Variants in LPP observed in about 807,000 individuals in gnomAD.
LPP encodes the protein LIM domain containing preferred translocation partner in lipoma.
A neutral mutation model predicts 60.4 loss-of-function variants in LPP; 38 were observed. That is an observed-to-expected ratio of 0.63 (90% CI 0.49 to 0.83). The LOEUF (loss-of-function observed/expected upper bound fraction) is 0.83. Ranked by LOEUF, LPP falls within the 40% of genes least tolerant of loss-of-function variation. LPP has a pLI of 0.00. For synonymous variants in LPP, 328 were observed against 290.8 expected (o/e 1.13, Z -1.30); for missense variants, 902 against 783.6 (o/e 1.15, Z -1.80).
chr3:188,511,258 T>G (rs372421381), intron 5 of LPP, among the ~76,000 whole-genome samples: 5 of 74,344 alleles, frequency 6.7e-5, no homozygotes, highest in African/African-American at 2.7e-4. Context: ...CTTCCCTCCC[T>G]TCCCTCCTTC....
chr3:188,617,371 G>A lies in LPP; in HGVS notation c.1113+7527G>A, dbSNP rs77054995. On this transcript the variant is annotated intron_variant, in intron 7 of 11. Transcript: ENST00000617246. ...GCAGTTCTTCTCTATATTGGTTAAG[G>A]ATAGTTCAAGACAGAGGAGGTCAGA... is the stretch of plus-strand genomic sequence containing the variant. 7.4e-3 allele frequency among the ~76,000 whole-genome samples: 1,120 copies of A among 152,236 alleles called. 11 individuals are homozygous for A. The highest frequency in any genetic ancestry group is 0.025 in the African/African-American group (1,050 of 41,542).
intron 2 of LPP, among the ~76,000 whole-genome samples, chr3:188,332,469 C>A (rs928716007): frequency 2.0e-5 from 3 of 152,202 alleles, no homozygotes; most frequent in Non-Finnish European, 4.4e-5. Flanking sequence ...ATATCACATG[C>A]ATTAAACTAG....
chr3:188,447,605 CTCAAAA>C (rs1795538795), intron 4 of LPP, among the ~76,000 whole-genome samples: 3 of 54,360 alleles, frequency 5.5e-5, no homozygotes. Flanking sequence ...GTGAGACTGC[CTCAAAA>C]AAAAAAAAAA....
At chr3:188,426,564 C>T (rs1789402457) in intron 4 of LPP, among the ~76,000 whole-genome samples, 1 of 151,986 alleles carries the variant, frequency 6.6e-6, no homozygotes, top group South Asian at 2.1e-4. Flanking sequence ...TTAAAGTCTC[C>T]AACTATTATT....
chr3:188,216,304 C>T (rs1713592533), intron 1 of LPP, among the ~76,000 whole-genome samples: 1 of 143,060 alleles, frequency 7.0e-6, no homozygotes, highest in Non-Finnish European at 1.5e-5. Flanking sequence ...TGGAGTCTCA[C>T]TCTCTTGCCT....
chr3:188,372,310 C>T (rs1396648085), intron 3 of LPP, among the ~76,000 whole-genome samples: 1 of 151,986 alleles, frequency 6.6e-6, no homozygotes, highest in Admixed American at 6.5e-5. Flanking sequence ...GTATTCCTTA[C>T]TATATAGATT....
At chr3:188,279,299 C>A (rs1281986896) in intron 2 of LPP, among the ~76,000 whole-genome samples, 1 of 152,212 alleles carries the variant, frequency 6.6e-6, no homozygotes, top group Non-Finnish European at 1.5e-5. Context: ...CTTTGCCTAC[C>A]TATGCCTCAG....
chr3:188,577,479 T>G (rs997801880), intron 6 of LPP, among the ~76,000 whole-genome samples: 13 of 151,876 alleles, frequency 8.6e-5, no homozygotes, highest in African/African-American at 3.1e-4. Flanking sequence ...CTTTCTATAC[T>G]TCTCTACTTA....
intron 6 of LPP, among the ~76,000 whole-genome samples, chr3:188,578,428 C>T (rs1450947647): frequency 6.6e-6 from 1 of 152,202 alleles, no homozygotes; most frequent in East Asian, 1.9e-4. Context: ...CATCCCAGGA[C>T]TACCCCTGCT....
At position 188,269,645 on chromosome 3, in the gene LPP, A is replaced by ATGTG. The variant is rs368115626; in HGVS notation, c.-67+44150_-67+44153dup. ...GCTAGCTGGTTGTGCCTTTTTTTTT[A>ATGTG]TGTGTGTGTGTGTGTGTGTGTGTGT... On this transcript the variant is annotated intron_variant, in intron 2 of 11. Transcript: ENST00000617246. 2.5e-3 allele frequency among the ~76,000 whole-genome samples: 346 copies of ATGTG among 136,508 alleles called. 4 individuals are homozygous for ATGTG. The highest frequency in any genetic ancestry group is 0.02 in the South Asian group (82 of 4,182). The allele number at this position is 136,508 out of a possible 152,430, so 89.6% of individuals were successfully genotyped here.
intron 6 of LPP, among the ~76,000 whole-genome samples, chr3:188,559,196 T>C (rs997452761): frequency 2.6e-5 from 4 of 152,122 alleles, no homozygotes; most frequent in African/African-American, 7.2e-5. Context: ...TTCAGAGTAA[T>C]TCCTTGTGAT....
At chr3:188,599,792 T>TGTGTGTG (rs1479284185) in intron 6 of LPP, among the ~76,000 whole-genome samples, 1 of 76,794 alleles carries the variant, frequency 1.3e-5, no homozygotes, top group South Asian at 4.5e-4. Context: ...GTGTGTGTGG[T>TGTGTGTG]GTGTGCTTTA....
At chr3:188,444,631 A>G (rs2149289719) in intron 4 of LPP, among the ~76,000 whole-genome samples, 1 of 152,302 alleles carries the variant, frequency 6.6e-6, no homozygotes, top group East Asian at 1.9e-4. Flanking sequence ...AAAATTGACA[A>G]ATGGGATCTA....
At chr3:188,411,780 G>A (rs1329096872) in intron 4 of LPP, among the ~76,000 whole-genome samples, 1 of 152,146 alleles carries the variant, frequency 6.6e-6, no homozygotes, top group Non-Finnish European at 1.5e-5. Context: ...TGGCAGAACA[G>A]TATAGTTCTT....
intron 6 of LPP, among the ~76,000 whole-genome samples, chr3:188,574,981 G>C (rs555328939): frequency 6.6e-6 from 1 of 151,974 alleles, no homozygotes; most frequent in South Asian, 2.1e-4. Flanking sequence ...GGGAATCGTG[G>C]TAAATGGGCC....
chr3:188,330,744 A>C (rs1420905035), intron 2 of LPP, among the ~76,000 whole-genome samples: 3 of 152,184 alleles, frequency 2.0e-5, no homozygotes, highest in Non-Finnish European at 2.9e-5. Flanking sequence ...TGAGCCTGAG[A>C]GGCAGAGATT....
intron 9 of LPP, among the ~76,000 whole-genome samples, chr3:188,862,883 GATTT>G (rs1412065552): frequency 4.0e-5 from 6 of 151,456 alleles, no homozygotes; most frequent in African/African-American, 1.5e-4. Context: ...TTTCAAAACC[GATTT>G]ATTTGTCAAC....
intron 3 of LPP, among the ~76,000 whole-genome samples, chr3:188,351,975 T>C (rs1397694102): frequency 2.0e-5 from 3 of 152,312 alleles, no homozygotes; most frequent in South Asian, 4.1e-4. Flanking sequence ...AGCATTGGCT[T>C]TTACTTGCAC....
chr3:188,732,483 C>T (rs1488813040), intron 8 of LPP, among the ~76,000 whole-genome samples: 4 of 152,040 alleles, frequency 2.6e-5, no homozygotes, highest in African/African-American at 4.8e-5. Context: ...CCTGGCCGGG[C>T]GCAGTGGCTC....
Sources: gnomAD v4.1 joint callset for allele counts (sites outside exome capture counted in the v4.1 genomes callset) on GRCh38, gnomAD v4.1.1 for gene constraint, MANE v1.5 for transcripts, NCBI Gene and HGNC (gene_info 2026-07-23, HGNC 2026-07-21) for gene names.